Variants in CSMD1 observed in about 807,000 individuals in gnomAD.
CSMD1 encodes the protein CUB and Sushi multiple domains 1.
CSMD1 carries 213 observed loss-of-function variants against 417.5 expected under a neutral mutation model. The ratio of observed to expected loss-of-function variants is 0.51; its 90% CI spans 0.46 to 0.57. The LOEUF (loss-of-function observed/expected upper bound fraction) is 0.57, where lower values mean the gene tolerates loss of function less well. CSMD1 is among the 20% of genes least tolerant of loss of function. CSMD1 has a pLI of 0.00. For missense variants in CSMD1, 6,923 were observed against 4,529.7 expected, an observed-to-expected ratio of 1.53 and a Z score of -15.17; for synonymous variants, 2,862 against 1,736.8, an observed-to-expected ratio of 1.65 and a Z score of -16.11.
intron 2 of CSMD1, among the ~76,000 whole-genome samples, chr8:4,451,945 A>G (rs1294904454): frequency 6.7e-6 from 1 of 148,526 alleles, no homozygotes; most frequent in African/African-American, 2.4e-5. Context: ...GTATATTATT[A>G]TATATAATAT....
intron 49 of CSMD1, among the ~76,000 whole-genome samples, chr8:3,058,607 C>T (rs1812391724): frequency 6.6e-6 from 1 of 152,122 alleles, no homozygotes; most frequent in African/African-American, 2.4e-5. Context: ...ATGTTTGTGC[C>T]ACAACTTCTC....
intron 1 of CSMD1, among the ~76,000 whole-genome samples, chr8:4,933,930 G>A (rs746973452): frequency 1.3e-5 from 2 of 151,978 alleles, no homozygotes; most frequent in East Asian, 3.9e-4. Flanking sequence ...TTTCATAATA[G>A]GCAGAATCAC....
At chr8:4,442,630 T>C (rs1318210368) in intron 2 of CSMD1, among the ~76,000 whole-genome samples, 3 of 152,230 alleles carry the variant, frequency 2.0e-5, no homozygotes, top group Non-Finnish European at 4.4e-5. Context: ...CCCTCTGGAT[T>C]GCTGGGGATT....
intron 25 of CSMD1, among the ~76,000 whole-genome samples, chr8:3,304,890 A>G (rs888163652): frequency 1.3e-5 from 2 of 152,198 alleles, no homozygotes. Context: ...AAAATGTGAA[A>G]TTCTTCTAAA....
At chr8:4,249,083 T>C (rs972867154) in intron 3 of CSMD1, among the ~76,000 whole-genome samples, 1 of 152,182 alleles carries the variant, frequency 6.6e-6, no homozygotes, top group East Asian at 1.9e-4. Flanking sequence ...TAGGCACTCA[T>C]GATCACCACT....
intron 1 of CSMD1, among the ~76,000 whole-genome samples, chr8:4,664,906 C>A (rs1296918900): frequency 6.6e-6 from 1 of 152,058 alleles, no homozygotes; most frequent in Non-Finnish European, 1.5e-5. Flanking sequence ...TTTCTATTTA[C>A]ATAAAAAACT....
intron 1 of CSMD1, among the ~76,000 whole-genome samples, chr8:4,750,172 AT>A (rs1176193246): frequency 1.3e-5 from 2 of 151,328 alleles, no homozygotes; most frequent in Non-Finnish European, 2.9e-5. Flanking sequence ...CGCCCGGCTA[AT>A]TTTTTTTGTA....
chr8:3,434,201 T>A (rs1814405432), intron 12 of CSMD1, among the ~76,000 whole-genome samples: 1 of 152,220 alleles, frequency 6.6e-6, no homozygotes, highest in South Asian at 2.1e-4. Context: ...CATTTCCCAT[T>A]TATGCCAGCG....
intron 8 of CSMD1, 146 bp downstream of exon 8, chr8:3,616,564 A>C (rs1802148471): frequency 1.6e-6 from 1 of 607,890 alleles, no homozygotes. Flanking sequence ...TCTGAAGACA[A>C]ATTGTGATTA....
In CSMD1 at chr8:2,970,522, T is replaced by A. The variant is rs991750597; in HGVS notation, c.8923+2595A>T. ...TTTAATCAGCATCAGATTATATCTA[T>A]AAAGTCTGAATAATTATTCCAGCAT... is the stretch of plus-strand genomic sequence containing the variant. On this transcript the variant is annotated intron_variant, in intron 57 of 69. Coordinates refer to ENST00000635120, the MANE Select transcript of CSMD1 (RefSeq NM_033225.6). Among the ~76,000 whole-genome samples the A allele has an allele frequency of 2.6e-5, 4 of 152,224 alleles. No individual in the cohort carries two copies. The East Asian group carries it at 7.7e-4, about 29-fold the overall frequency.
At chr8:4,564,595 G>C (rs951667554) in intron 2 of CSMD1, among the ~76,000 whole-genome samples, 1 of 152,134 alleles carries the variant, frequency 6.6e-6, no homozygotes. Flanking sequence ...AGAAAAGTAA[G>C]CAAATCCAGG....
chr8:4,477,983 C>A (rs956453080), intron 2 of CSMD1, among the ~76,000 whole-genome samples: 4 of 152,192 alleles, frequency 2.6e-5, no homozygotes, highest in Non-Finnish European at 5.9e-5. Flanking sequence ...TCTATCCATG[C>A]AGAAAACTGT....
At chr8:3,364,044 A>G (rs1809388333) in intron 20 of CSMD1, among the ~76,000 whole-genome samples, 1 of 152,238 alleles carries the variant, frequency 6.6e-6, no homozygotes, top group Non-Finnish European at 1.5e-5. Flanking sequence ...AACTCGATTA[A>G]CAGGAAAGAA....
chr8:3,043,555 G>C (rs1229585410), intron 50 of CSMD1, among the ~76,000 whole-genome samples: 2 of 152,100 alleles, frequency 1.3e-5, no homozygotes, highest in East Asian at 3.9e-4. Context: ...GCCCAGCATA[G>C]AGTAGGTCCA....
chr8:3,865,550 A>C (rs1805031114), intron 5 of CSMD1, among the ~76,000 whole-genome samples: 1 of 152,186 alleles, frequency 6.6e-6, no homozygotes, highest in East Asian at 1.9e-4. Context: ...GGGACCAAGC[A>C]GGCACGTACA....
At chr8:4,833,962 C>A (rs1166867461) in intron 1 of CSMD1, among the ~76,000 whole-genome samples, 3 of 152,176 alleles carry the variant, frequency 2.0e-5, no homozygotes, top group African/African-American at 7.2e-5. Context: ...TCTTCACTAT[C>A]TTAGCACCTT....
At chr8:2,985,361 G>T (rs1053598313) in intron 54 of CSMD1, among the ~76,000 whole-genome samples, 2 of 151,566 alleles carry the variant, frequency 1.3e-5, no homozygotes, top group East Asian at 1.9e-4. Flanking sequence ...GTTTCACCAC[G>T]TGAGGCAGGA....
chr8:3,485,737 G>C (rs1486266011), intron 11 of CSMD1, among the ~76,000 whole-genome samples: 2 of 148,716 alleles, frequency 1.3e-5, no homozygotes, highest in Non-Finnish European at 1.5e-5. Context: ...TACAGCCTGG[G>C]TGACAGAGCG....
intron 1 of CSMD1, among the ~76,000 whole-genome samples, chr8:4,920,721 G>A (rs946959029): frequency 1.3e-5 from 2 of 151,920 alleles, no homozygotes; most frequent in African/African-American, 4.8e-5. Context: ...TACTTAGAAG[G>A]CTAAGGCAGG....
Sources: allele counts gnomAD v4.1 joint callset (sites outside exome capture counted in the v4.1 genomes callset), GRCh38; gene constraint gnomAD v4.1.1; transcripts MANE v1.5; gene names NCBI Gene and HGNC (gene_info 2026-07-23, HGNC 2026-07-21).